TENM2: variants seen among roughly 807,000 people sequenced by gnomAD.
The protein encoded by TENM2 is teneurin-2.
A neutral mutation model predicts 245.2 loss-of-function variants in TENM2; 52 were observed. That is an observed-to-expected ratio of 0.21 (90% CI 0.17 to 0.27). The LOEUF (loss-of-function observed/expected upper bound fraction) is 0.27. TENM2 is among the 10% of genes least tolerant of loss of function. The probability of loss-of-function intolerance (pLI) is 1.00; values close to 1 mark genes in which losing one functional copy is unlikely to be tolerated. For missense variants in TENM2, 3,046 were observed against 3,666.8 expected (o/e 0.83, Z 4.37); for synonymous variants, 1,363 against 1,438.9 (o/e 0.95, Z 1.19).
At chr5:167,523,878 T>C (rs1367045612) in intron 2 of TENM2, among the ~76,000 whole-genome samples, 1 of 152,184 alleles carries the variant, frequency 6.6e-6, no homozygotes, top group Non-Finnish European at 1.5e-5. Flanking sequence ...ATTGCCTATG[T>C]TTCTGTGCCC....
At chr5:168,110,295 T>G (rs1227230920) in intron 9 of TENM2, among the ~76,000 whole-genome samples, 2 of 152,082 alleles carry the variant, frequency 1.3e-5, no homozygotes, top group Non-Finnish European at 2.9e-5. Flanking sequence ...GGAATAGTTT[T>G]CTCCCAGTGA....
the TENM2 span, among the ~76,000 whole-genome samples, chr5:167,245,899 C>A: frequency 2.6e-5 from 4 of 152,130 alleles, no homozygotes; most frequent in Admixed American, 1.3e-4. Flanking sequence ...TCCTAATATT[C>A]TTTGTCAGCC....
At chr5:168,241,560 G>GCC (rs1766106099) in intron 25 of TENM2, among the ~76,000 whole-genome samples, 1 of 151,594 alleles carries the variant, frequency 6.6e-6, no homozygotes, top group Admixed American at 6.6e-5. Flanking sequence ...CACGCACCTG[G>GCC]CCTATGCATC....
At chr5:167,259,205 C>A in the TENM2 span, among the ~76,000 whole-genome samples, 1 of 152,062 alleles carries the variant, frequency 6.6e-6, no homozygotes, top group Non-Finnish European at 1.5e-5. Context: ...AGGAGTCAAG[C>A]AGGTAATGCG....
At chr5:168,139,721 G>A (rs1020899653) in intron 12 of TENM2, among the ~76,000 whole-genome samples, 1 of 152,168 alleles carries the variant, frequency 6.6e-6, no homozygotes, top group African/African-American at 2.4e-5. Flanking sequence ...CGTAAAGTGG[G>A]TGCATTCAAC....
At chr5:167,172,152 A>G in the TENM2 span, among the ~76,000 whole-genome samples, 2 of 152,168 alleles carry the variant, frequency 1.3e-5, no homozygotes, top group Admixed American at 1.3e-4. Flanking sequence ...CACAGGCACA[A>G]CCGTCAGAAC....
At chr5:168,110,621 T>C (rs2152313607) in intron 9 of TENM2, among the ~76,000 whole-genome samples, 1 of 152,328 alleles carries the variant, frequency 6.6e-6, no homozygotes, top group South Asian at 2.1e-4. Flanking sequence ...TCAAGAAGCT[T>C]CCATGCTTGC....
At chr5:167,148,199 TA>T in the TENM2 span, among the ~76,000 whole-genome samples, 1 of 152,332 alleles carries the variant, frequency 6.6e-6, no homozygotes, top group South Asian at 2.1e-4. Context: ...CTGCATTGAA[TA>T]AATATGGCAT....
At chr5:168,131,051 G>T (rs17631810) in intron 12 of TENM2, among the ~76,000 whole-genome samples, 2 of 152,154 alleles carry the variant, frequency 1.3e-5, no homozygotes, top group Non-Finnish European at 2.9e-5. Flanking sequence ...AGATGTTAGC[G>T]TGTGTTAATG....
chr5:167,101,849 T>TTTTATATA, the TENM2 span, among the ~76,000 whole-genome samples: 2 of 69,454 alleles, frequency 2.9e-5, no homozygotes, highest in African/African-American at 1.1e-4. Flanking sequence ...ATATATATAT[T>TTTTATATA]TATATATATA....
chr5:167,379,297 C>T (rs74719344), intron 2 of TENM2, among the ~76,000 whole-genome samples: 1 of 152,134 alleles, frequency 6.6e-6, no homozygotes, highest in African/African-American at 2.4e-5. Flanking sequence ...TGTAGCGTAT[C>T]TGTCTCCTCG....
At chr5:167,009,808 G>A in the TENM2 span, among the ~76,000 whole-genome samples, 1 of 152,134 alleles carries the variant, frequency 6.6e-6, no homozygotes, top group African/African-American at 2.4e-5. Context: ...ACCACAGAGT[G>A]AAATATTTTT....
chr5:167,365,362 G>A (rs558836887), intron 1 of TENM2, among the ~76,000 whole-genome samples: 12 of 150,366 alleles, frequency 8.0e-5, no homozygotes, highest in South Asian at 6.3e-4. Flanking sequence ...CATTTCTACC[G>A]CAAGAACCTA....
intron 2 of TENM2, among the ~76,000 whole-genome samples, chr5:167,730,485 T>G (rs1347924204): frequency 6.6e-6 from 1 of 152,218 alleles, no homozygotes; most frequent in Non-Finnish European, 1.5e-5. Flanking sequence ...AGGTGGTGGA[T>G]CATGTTTAAT....
intron 2 of TENM2, among the ~76,000 whole-genome samples, chr5:167,375,750 G>A (rs1760710419): frequency 6.6e-6 from 1 of 152,086 alleles, no homozygotes; most frequent in African/African-American, 2.4e-5. Flanking sequence ...CAAAAGAGGC[G>A]GCTTGATAAA....
the TENM2 span, among the ~76,000 whole-genome samples, chr5:166,988,956 G>A: frequency 4.6e-5 from 7 of 152,204 alleles, no homozygotes; most frequent in Non-Finnish European, 8.8e-5. Context: ...GGAAACTGAA[G>A]AGAGTCTGCC....
the TENM2 span, among the ~76,000 whole-genome samples, chr5:167,156,128 G>T: frequency 2.0e-5 from 3 of 152,186 alleles, no homozygotes; most frequent in African/African-American, 7.2e-5. Context: ...ATAAATTTCT[G>T]GAGGGGATGC....
the TENM2 span, among the ~76,000 whole-genome samples, chr5:167,038,269 G>A: frequency 3.3e-5 from 5 of 152,318 alleles, no homozygotes; most frequent in South Asian, 2.1e-4. Flanking sequence ...CTAGTCACAC[G>A]AGGTCTTTTG....
At chr5:167,317,076 C>T (rs922038514) in intron 1 of TENM2, among the ~76,000 whole-genome samples, 1 of 152,046 alleles carries the variant, frequency 6.6e-6, no homozygotes, top group Admixed American at 6.6e-5. Flanking sequence ...GTATCATTAA[C>T]CCTTGACACT....
Sources: allele counts gnomAD v4.1 joint callset (sites outside exome capture counted in the v4.1 genomes callset), GRCh38; gene constraint gnomAD v4.1.1; transcripts MANE v1.5; gene names NCBI Gene and HGNC (gene_info 2026-07-23, HGNC 2026-07-21).